The following CDH12 variants were observed in gnomAD, a reference collection of about 807,000 sequenced individuals.
The protein encoded by CDH12 is cadherin 12.
Under a neutral mutation model 74.1 loss-of-function variants are expected in CDH12, and 41 were observed. That is an observed-to-expected ratio of 0.55 (90% CI 0.43 to 0.72). The LOEUF (loss-of-function observed/expected upper bound fraction) is 0.72. Ranked by LOEUF, CDH12 falls within the 30% of genes least tolerant of loss-of-function variation. The pLI is 0.00. For missense variants in CDH12, 945 were observed against 977.2 expected (o/e 0.97, Z 0.44); for synonymous variants, 399 against 355.0 (o/e 1.12, Z -1.39).
chr5:22,478,990 T>A (rs1010731453), intron 2 of CDH12, among the ~76,000 whole-genome samples: 4 of 152,198 alleles, frequency 2.6e-5, no homozygotes, highest in Non-Finnish European at 5.9e-5. Context: ...TGTTCTAACA[T>A]GTTCATGTTT....
chr5:22,572,316 T>C (rs1215170739), intron 1 of CDH12, among the ~76,000 whole-genome samples: 3 of 152,198 alleles, frequency 2.0e-5, no homozygotes, highest in Non-Finnish European at 4.4e-5. Flanking sequence ...TATTGACTAC[T>C]GGTGGGTCAA....
At chr5:21,967,361 A>G (rs1330603304) in intron 6 of CDH12, among the ~76,000 whole-genome samples, 1 of 152,200 alleles carries the variant, frequency 6.6e-6, no homozygotes, top group Non-Finnish European at 1.5e-5. Context: ...AGGCAACTTT[A>G]AAGAAAAATG....
At chr5:21,895,748 A>G (rs1753094352) in intron 6 of CDH12, among the ~76,000 whole-genome samples, 1 of 152,154 alleles carries the variant, frequency 6.6e-6, no homozygotes, top group Admixed American at 6.6e-5. Context: ...GCCCTGCCCA[A>G]GTGCCCAGGT....
At chr5:22,841,097 C>G (rs1287357604) in intron 1 of CDH12, among the ~76,000 whole-genome samples, 1 of 152,158 alleles carries the variant, frequency 6.6e-6, no homozygotes, top group East Asian at 1.9e-4. Flanking sequence ...ACATGATCTG[C>G]CATATTCTAA....
rs533200199 is a variant in CDH12 at position 22,452,177 on chromosome 5, C to T, written c.-427-46826G>A. ...AGTGACATAGAGGTTCAACACAATT[C>T]CTATTAAAATGTTAATAAAATTCTT... is the stretch of plus-strand genomic sequence containing the variant. On this transcript the variant is annotated intron_variant, in intron 2 of 14. Coordinates refer to ENST00000382254, the MANE Select transcript of CDH12 (RefSeq NM_004061.5). Among the ~76,000 whole-genome samples, 14 of 151,886 alleles carry T rather than the reference C, an allele frequency of 9.2e-5. 1 individual carries two copies. The highest frequency in any genetic ancestry group is 4.2e-4 in the South Asian group (2 of 4,812).
At chr5:21,864,515 C>A (rs1429538604) in intron 6 of CDH12, among the ~76,000 whole-genome samples, 1 of 152,118 alleles carries the variant, frequency 6.6e-6, no homozygotes, top group Non-Finnish European at 1.5e-5. Flanking sequence ...TGCAACTTCT[C>A]AATCTTGGAC....
At chr5:21,995,147 G>A (rs183159921) in intron 5 of CDH12, among the ~76,000 whole-genome samples, 13 of 152,084 alleles carry the variant, frequency 8.5e-5, no homozygotes, top group Admixed American at 2.6e-4. Flanking sequence ...GACACACCAC[G>A]TTTAAGAACT....
At chr5:21,825,115 T>C (rs1276639002) in intron 8 of CDH12, among the ~76,000 whole-genome samples, 2 of 147,416 alleles carry the variant, frequency 1.4e-5, no homozygotes, top group African/African-American at 2.5e-5. Flanking sequence ...ATCATGCCAC[T>C]GCACACCAGC....
At chr5:22,046,126 G>A (rs1328668316) in intron 5 of CDH12, among the ~76,000 whole-genome samples, 2 of 152,086 alleles carry the variant, frequency 1.3e-5, no homozygotes, top group African/African-American at 2.4e-5. Context: ...ACTATAGGTC[G>A]TTTACTTGTT....
chr5:22,734,166 CAT>C (rs1333742835), intron 1 of CDH12, among the ~76,000 whole-genome samples: 1 of 151,948 alleles, frequency 6.6e-6, no homozygotes, highest in Non-Finnish European at 1.5e-5. Context: ...GCACAATAGA[CAT>C]GTGCTAACAC....
chr5:22,192,394 C>T (rs561486206), intron 4 of CDH12, among the ~76,000 whole-genome samples: 28 of 152,230 alleles, frequency 1.8e-4, no homozygotes, highest in Non-Finnish European at 3.8e-4. Flanking sequence ...AATGAGTTAA[C>T]GAGGCTGGTG....
At chr5:22,325,677 G>C (rs1018659112) in intron 3 of CDH12, among the ~76,000 whole-genome samples, 2 of 152,086 alleles carry the variant, frequency 1.3e-5, no homozygotes, top group African/African-American at 2.4e-5. Context: ...ACAAGGTCAG[G>C]AGATCGAGAC....
At chr5:22,235,535 T>C (rs1464340918) in intron 3 of CDH12, among the ~76,000 whole-genome samples, 2 of 151,726 alleles carry the variant, frequency 1.3e-5, no homozygotes, top group African/African-American at 4.8e-5. Flanking sequence ...GAGCTGAAAT[T>C]GTGCCACTGC....
chr5:22,461,794 G>GT (rs5866565), intron 2 of CDH12, among the ~76,000 whole-genome samples: 72,754 of 148,226 alleles, frequency 0.49, 18,066 homozygotes, highest in Admixed American at 0.65. Context: ...TAATTTTCAT[G>GT]TTTTTTTTTC....
At chr5:22,527,147 T>G (rs1737322101) in intron 1 of CDH12, among the ~76,000 whole-genome samples, 2 of 152,144 alleles carry the variant, frequency 1.3e-5, no homozygotes, top group East Asian at 3.9e-4. Context: ...ACAGTTCAAC[T>G]GCTAAAAGTT....
In CDH12 at chr5:21,783,384, T is replaced by C. The variant is rs1443325093; in HGVS notation, c.1367A>G (p.Asn456Ser). 6.2e-7 allele frequency: 1 copy of C among 1,612,974 alleles called. No individual in the cohort carries two copies. Among genetic ancestry groups the C allele is most frequent in the African/African-American group, 1.3e-5 (1 of 74,876 alleles). Residue 456 changes from asparagine to serine, a missense_variant, in exon 11 of 15, where the codon AAT becomes AGT. Around this residue, in one of 3 missense-constraint regions of CDH12, gnomAD observed 791 missense variants for 792.8 expected, o/e 1.00. Transcript: ENST00000382254. ...LLDRESTAQY[N>S]FSIIASKVSN... is the part of the protein sequence containing the mutation. ...AACTTTACTCGCAATTATGGAGAAA[T>C]TATACTGCGCAGTGCTTTCTCTGTC...
intron 2 of CDH12, among the ~76,000 whole-genome samples, chr5:22,496,866 G>A (rs1055052884): frequency 4.0e-5 from 6 of 151,806 alleles, no homozygotes; most frequent in Non-Finnish European, 8.8e-5. Flanking sequence ...CCATGCCCCC[G>A]AGCCTAGTTC....
chr5:21,866,666 G>C (rs1009136017), intron 6 of CDH12, among the ~76,000 whole-genome samples: 1 of 152,144 alleles, frequency 6.6e-6, no homozygotes, highest in Non-Finnish European at 1.5e-5. Flanking sequence ...GGGAAGCAGA[G>C]CATAAAAGTT....
At chr5:22,628,937 TAA>T (rs887127087) in intron 1 of CDH12, among the ~76,000 whole-genome samples, 1 of 134,192 alleles carries the variant, frequency 7.5e-6, no homozygotes. Context: ...CCCTCAGAAA[TAA>T]AAAAAAAAAA....
Sources: allele counts gnomAD v4.1 joint callset (sites outside exome capture counted in the v4.1 genomes callset), GRCh38; gene constraint gnomAD v4.1.1; regional missense constraint gnomAD v4.1.1; transcripts MANE v1.5; gene names NCBI Gene and HGNC (gene_info 2026-07-23, HGNC 2026-07-21).